Variants in CYP39A1 observed in about 807,000 individuals in gnomAD.
CYP39A1 encodes 24-hydroxycholesterol 7-alpha-hydroxylase.
A neutral mutation model predicts 58.1 loss-of-function variants in CYP39A1; 49 were observed. The ratio of observed to expected loss-of-function variants is 0.84; its 90% CI spans 0.67 to 1.07. CYP39A1 has a LOEUF of 1.07. Among genes scored for constraint, CYP39A1 ranks in the 50% least tolerant of loss-of-function variants. CYP39A1 has a pLI of 0.00. For synonymous variants in CYP39A1, 209 were observed against 187.6 expected, an observed-to-expected ratio of 1.11 and a Z score of -0.93; for missense variants, 531 against 539.4, an observed-to-expected ratio of 0.98 and a Z score of 0.16.
In CYP39A1 at chr6:46,650,484, C is replaced by CTTTTTTTTTT. The variant is rs567314746; in HGVS notation, c.177+1912_177+1921dup. ...AAACATCAAATAATGCAGTCATATT[C>CTTTTTTTTTT]TTTTTTTTTTTTTTTTTTTTTTTTT... On this transcript the variant is annotated intron_variant, in intron 1 of 11. Coordinates refer to ENST00000275016, the MANE Select transcript of CYP39A1 (RefSeq NM_016593.5). Among the ~76,000 whole-genome samples the CTTTTTTTTTT allele has an allele frequency of 2.0e-4, 7 of 35,190 alleles. 2 individuals are homozygous for CTTTTTTTTTT. Among genetic ancestry groups the CTTTTTTTTTT allele is most frequent in the African/African-American group, 5.2e-4 (4 of 7,710 alleles). 23.1% of individuals were successfully genotyped at this position (35,190 alleles called of 152,430 possible).
At chr6:46,628,402 T>C (rs1431294527) in intron 6 of CYP39A1, among the ~76,000 whole-genome samples, 1 of 152,110 alleles carries the variant, frequency 6.6e-6, no homozygotes, top group African/African-American at 2.4e-5. Flanking sequence ...TTAGAAAGAA[T>C]GTAAGAGATG....
intron 8 of CYP39A1, among the ~76,000 whole-genome samples, chr6:46,589,416 G>A (rs1250481527): frequency 6.6e-6 from 1 of 152,092 alleles, no homozygotes; most frequent in African/African-American, 2.4e-5. Flanking sequence ...TTGTGCCACT[G>A]TACTCTAGCC....
chr6:46,574,594 A>G (rs560115365), intron 10 of CYP39A1, among the ~76,000 whole-genome samples: 1 of 152,302 alleles, frequency 6.6e-6, no homozygotes, highest in Admixed American at 6.5e-5. Flanking sequence ...CTAACTTATT[A>G]AAGAGCAGTC....
At position 46,592,658 on chromosome 6, in the gene CYP39A1, A is replaced by G. The variant is rs568282827; in HGVS notation, c.1065+3329T>C. Among the ~76,000 whole-genome samples, 26 of 152,040 alleles carry G rather than the reference A, an allele frequency of 1.7e-4. No individual in the cohort carries two copies. The East Asian group carries it at 4.8e-3, about 28-fold the overall frequency. On this transcript the variant is annotated intron_variant, in intron 8 of 11. Transcript: ENST00000275016. ...AAAATTGTGTAGATGTGTTTTATTAAAACAGAAAACTTTTCAGCTGAGCGT... is the reference window on the plus strand; with the variant it reads ...AAAATTGTGTAGATGTGTTTTATTAGAACAGAAAACTTTTCAGCTGAGCGT...
At chr6:46,611,795 A>T (rs1472422551) in intron 7 of CYP39A1, among the ~76,000 whole-genome samples, 1 of 152,204 alleles carries the variant, frequency 6.6e-6, no homozygotes, top group East Asian at 1.9e-4. Context: ...TGATCTAGAA[A>T]TACCCTTATG....
At chr6:46,587,840 T>C (rs1772562748) in intron 9 of CYP39A1, among the ~76,000 whole-genome samples, 194 bp downstream of exon 9, 1 of 152,176 alleles carries the variant, frequency 6.6e-6, no homozygotes, top group Admixed American at 6.6e-5. Flanking sequence ...TACAAAAACT[T>C]TTCTAACTGA....
At chr6:46,633,332 A>C (rs1321829322) in intron 5 of CYP39A1, among the ~76,000 whole-genome samples, 1 of 152,212 alleles carries the variant, frequency 6.6e-6, no homozygotes. Flanking sequence ...TCTATGATAC[A>C]ATAATAATTT....
chr6:46,582,897 T>G (rs1407587336), intron 10 of CYP39A1, among the ~76,000 whole-genome samples: 1 of 152,052 alleles, frequency 6.6e-6, no homozygotes, highest in Non-Finnish European at 1.5e-5. Context: ...CAGTAAATAG[T>G]TATCAAATAA....
At chr6:46,602,786 C>A (rs1773592073) in intron 7 of CYP39A1, among the ~76,000 whole-genome samples, 1 of 149,602 alleles carries the variant, frequency 6.7e-6, no homozygotes, top group African/African-American at 2.5e-5. Context: ...AGGCTTAAAG[C>A]AGTTATTATT....
rs180853972 is a variant in CYP39A1, at chr6:46,599,498, C to T, written c.932-3378G>A. Among the ~76,000 whole-genome samples the T allele has an allele frequency of 1.6e-3, 245 of 152,200 alleles. 5 individuals carry two copies. The highest frequency in any genetic ancestry group is 0.015 in the Admixed American group (225 of 15,274). ...AACAAGCTGTCGCACTGGTTCTTGG[C>T]GGTTTGGTAATGGATCCACCCTCTC... On this transcript the variant is annotated intron_variant, in intron 7 of 11. Coordinates refer to ENST00000275016, the MANE Select transcript of CYP39A1 (RefSeq NM_016593.5).
intron 11 of CYP39A1, among the ~76,000 whole-genome samples, chr6:46,551,181 G>A (rs573899946): frequency 1.3e-5 from 2 of 152,158 alleles, no homozygotes; most frequent in African/African-American, 4.8e-5. Flanking sequence ...GAATGAAATA[G>A]GGCACAAAAT....
chr6:46,559,970 G>A (rs1470770383), intron 10 of CYP39A1, among the ~76,000 whole-genome samples: 1 of 152,116 alleles, frequency 6.6e-6, no homozygotes, highest in Non-Finnish European at 1.5e-5. Context: ...TTCTCATAAA[G>A]CTTAAATTCT....
At chr6:46,616,182 TC>T (rs1774562137) in intron 7 of CYP39A1, among the ~76,000 whole-genome samples, 2 of 24,472 alleles carry the variant, frequency 8.2e-5, no homozygotes. Context: ...TTTCTTTCTT[TC>T]TTTCTTCTTT....
At chr6:46,612,889 GT>G (rs1405416810) in intron 7 of CYP39A1, among the ~76,000 whole-genome samples, 4 of 152,186 alleles carry the variant, frequency 2.6e-5, no homozygotes, top group Admixed American at 2.6e-4. Flanking sequence ...ATGAGCTTAA[GT>G]TCACTGAAGG....
At chr6:46,640,826 T>C (rs1776287851) in intron 2 of CYP39A1, among the ~76,000 whole-genome samples, 1 of 144,664 alleles carries the variant, frequency 6.9e-6, no homozygotes, top group Non-Finnish European at 1.5e-5. Flanking sequence ...TTTATTGAAG[T>C]AACTTTTTCA....
At chr6:46,578,541 T>C (rs1156531741) in intron 10 of CYP39A1, among the ~76,000 whole-genome samples, 1 of 151,006 alleles carries the variant, frequency 6.6e-6, no homozygotes, top group Non-Finnish European at 1.5e-5. Context: ...ACCAGCTAGA[T>C]AGATTAATAA....
chr6:46,611,317 A>C (rs1411699314), intron 7 of CYP39A1, among the ~76,000 whole-genome samples: 1 of 152,256 alleles, frequency 6.6e-6, no homozygotes, highest in Non-Finnish European at 1.5e-5. Context: ...GACATTCATA[A>C]CAATAGGCAA....
Position 46,652,626 on chromosome 6 carries a change from T to C in CYP39A1, c.-44A>G. The C allele has an allele frequency of 6.7e-7, 1 of 1,502,376 alleles. No individual in the cohort carries two copies. The highest frequency in any genetic ancestry group is 8.9e-7 in the Non-Finnish European group (1 of 1,123,216). The allele number at this position is 1,502,376 out of a possible 1,614,324, so 93.1% of individuals were successfully genotyped here. ...CCAGAAGCAGAAAAGTGTGAAACAG[T>C]CCTGCCGTCCCTTGCTTCTTTTCTG... On this transcript the variant is annotated 5_prime_UTR_variant, in exon 1 of 12. Transcript: ENST00000275016.
intron 10 of CYP39A1, among the ~76,000 whole-genome samples, chr6:46,559,856 A>T (rs1032599107): frequency 6.6e-6 from 1 of 151,960 alleles, no homozygotes; most frequent in South Asian, 2.1e-4. Flanking sequence ...ATAAAATAAG[A>T]CCCCCATTCA....
Sources: allele counts gnomAD v4.1 joint callset (sites outside exome capture counted in the v4.1 genomes callset), GRCh38; gene constraint gnomAD v4.1.1; transcripts MANE v1.5; gene names NCBI Gene and HGNC (gene_info 2026-07-23, HGNC 2026-07-21).